The following CRYZL1 variants were observed in gnomAD, a reference collection of about 807,000 sequenced individuals.
The protein encoded by CRYZL1 is ferry endosomal RAB5 effector complex subunit 4.
In CRYZL1, 34 loss-of-function variants were observed where a neutral mutation model predicts 50.6. The observed-to-expected ratio is 0.67, with a 90% CI of 0.51 to 0.89. The LOEUF (loss-of-function observed/expected upper bound fraction) is 0.89. CRYZL1 is among the 40% of genes least tolerant of loss of function. CRYZL1 has a pLI of 0.00. For missense variants in CRYZL1, 354 were observed against 402.3 expected, an observed-to-expected ratio of 0.88 and a Z score of 1.03; for synonymous variants, 125 against 134.3, an observed-to-expected ratio of 0.93 and a Z score of 0.48.
intron 2 of CRYZL1, among the ~76,000 whole-genome samples, chr21:33,630,264 A>G (rs1311656709): frequency 6.6e-6 from 1 of 152,166 alleles, no homozygotes; most frequent in Admixed American, 6.6e-5. Context: ...TATGGACAAA[A>G]ATATGAATGT....
chr21:33,621,020 C>T (rs1201320021), intron 4 of CRYZL1, among the ~76,000 whole-genome samples: 1 of 140,856 alleles, frequency 7.1e-6, no homozygotes, highest in Non-Finnish European at 1.5e-5. Flanking sequence ...ATTCTCCTGC[C>T]TCAGCCTCCC....
rs965993753 is a variant in CRYZL1, at chr21:33,593,232, G to A, written c.905-2025C>T. Among the ~76,000 whole-genome samples the A allele has an allele frequency of 4.6e-5, 7 of 151,512 alleles. No homozygotes were observed. In the East Asian group the frequency reaches 9.9e-4, roughly 21 times the overall value. On this transcript the variant is annotated intron_variant, in intron 11 of 12. Transcript: ENST00000381554. ...TGCCATTCTCCTGCCTCAGCCTCCC[G>A]AGTAGCTGGGACTACAGGTGCCCGC...
Position 33,605,530 on chromosome 21 carries a change from C to CTTTTTTGTTTTTTTTTTTTTTTTTTTTTT in CRYZL1, c.332-1994_332-1993insAAAAAAAAAAAAAAAAAAAAAACAAAAAA, listed in dbSNP as rs2086802620. Among the ~76,000 whole-genome samples, 2 of 53,196 alleles carry CTTTTTTGTTTTTTTTTTTTTTTTTTTTTT rather than the reference C, an allele frequency of 3.8e-5. 1 individual carries two copies. The highest frequency in any genetic ancestry group is 6.4e-5 in the Non-Finnish European group (2 of 31,394). 34.9% of individuals were successfully genotyped at this position (53,196 alleles called of 152,430 possible). A position where few individuals can be genotyped will look rare whatever the true frequency, so the allele number is the denominator to read the frequency against. On this transcript the variant is annotated intron_variant, in intron 6 of 12. Transcript: ENST00000381554. The stretch of plus-strand genomic sequence containing the variant: ...GTAATTTTTCCGCAGTACAAGAATT[C>CTTTTTTGTTTTTTTTTTTTTTTTTTTTTT]TTTTTTTTTTGAGATGGAGTCTCAC...
At chr21:33,638,418 T>C (rs1160341027) in intron 1 of CRYZL1, among the ~76,000 whole-genome samples, 1 of 152,186 alleles carries the variant, frequency 6.6e-6, no homozygotes, top group Non-Finnish European at 1.5e-5. Context: ...TTTCACCATG[T>C]TGGCCAGGCT....
chr21:33,625,970 CT>C (rs953926032), intron 2 of CRYZL1, among the ~76,000 whole-genome samples: 1 of 150,606 alleles, frequency 6.6e-6, no homozygotes, highest in African/African-American at 2.4e-5. Flanking sequence ...CAGTGAAATT[CT>C]TTTTTCATTT....
At chr21:33,613,633 G>C (rs778931286) in intron 5 of CRYZL1, 27 bp from the exon 6 acceptor site, 1 of 1,531,278 alleles carries the variant, frequency 6.5e-7, no homozygotes, top group Non-Finnish European at 9.0e-7. Context: ...GAAATTAAAG[G>C]GATGTAAGTC....
chr21:33,637,400 G>A (rs1453400529), intron 1 of CRYZL1, among the ~76,000 whole-genome samples: 3 of 149,400 alleles, frequency 2.0e-5, no homozygotes, highest in African/African-American at 7.4e-5. Flanking sequence ...AGCCGAGATC[G>A]CGCCACTGCA....
intron 3 of CRYZL1, among the ~76,000 whole-genome samples, 168 bp downstream of exon 3, chr21:33,624,515 C>A (rs1373165982): frequency 2.0e-5 from 3 of 152,180 alleles, no homozygotes; most frequent in Non-Finnish European, 4.4e-5. Context: ...CACCACTGCA[C>A]TCCAGCCTGG....
chr21:33,621,013 C>A (rs1314152894), intron 4 of CRYZL1, among the ~76,000 whole-genome samples: 51 of 124,620 alleles, frequency 4.1e-4, no homozygotes, highest in Non-Finnish European at 8.0e-4. Context: ...TCACGCCATT[C>A]TCCTGCCTCA....
chr21:33,637,760 C>CAT (rs10536195), intron 1 of CRYZL1, among the ~76,000 whole-genome samples: 16,571 of 131,392 alleles, frequency 0.13, 985 homozygotes, highest in Non-Finnish European at 0.14. Context: ...AAGAGAAAAA[C>CAT]ATATATATAT....
At chr21:33,637,444 C>CA (rs544640250) in intron 1 of CRYZL1, among the ~76,000 whole-genome samples, 6,035 of 76,732 alleles carry the variant, frequency 0.079, 170 homozygotes, top group Middle Eastern at 0.11. Context: ...GACTCTGTCT[C>CA]AAAAAAAAAA....
At position 33,619,098 on chromosome 21, in the gene CRYZL1, T is replaced by C. The variant is rs139314398; in HGVS notation, c.218-2348A>G. ...CTCAGTAAGTATAAATCTAAACTCA[T>C]AATATTCCTCCAAATTGGATCATCT... On this transcript the variant is annotated intron_variant, in intron 4 of 12. Coordinates refer to ENST00000381554, the MANE Select transcript of CRYZL1 (RefSeq NM_145858.3). Among the ~76,000 whole-genome samples the C allele has an allele frequency of 6.5e-3, 986 of 152,320 alleles. 13 individuals are homozygous for C. Among genetic ancestry groups the C allele is most frequent in the Non-Finnish European group, 6.1e-3 (416 of 68,030 alleles).
intron 6 of CRYZL1, among the ~76,000 whole-genome samples, chr21:33,611,207 A>G (rs1426870014): frequency 2.0e-5 from 3 of 152,182 alleles, no homozygotes; most frequent in Non-Finnish European, 4.4e-5. Flanking sequence ...GGCAGTCCTC[A>G]AATTTCAAAC....
At position 33,620,751 on chromosome 21, in the gene CRYZL1, G is replaced by A. The variant is rs188620503; in HGVS notation, c.217+1245C>T. Among the ~76,000 whole-genome samples the A allele has an allele frequency of 9.2e-5, 14 of 152,092 alleles. No homozygotes were observed. The East Asian group carries it at 2.7e-3, about 29-fold the overall frequency. On this transcript the variant is annotated intron_variant, in intron 4 of 12. Coordinates refer to ENST00000381554, the MANE Select transcript of CRYZL1 (RefSeq NM_145858.3). ...TTGAATCTGGGAGGCAGAGGTTGCA[G>A]TGGAGCAGACATCACGCCACTGCAC... is the stretch of plus-strand genomic sequence containing the variant.
rs2086724788 is a variant in CRYZL1, at chr21:33,599,134, T to G, written c.676+16A>C. On this transcript the variant is annotated intron_variant, in intron 9 of 12. Coordinates refer to ENST00000381554, the MANE Select transcript of CRYZL1 (RefSeq NM_145858.3). ...TAAAAAAACTACACAGGCTACTAAT[T>G]TCATAAGGTACCTACCTCCAGCATC... The G allele has an allele frequency of 1.9e-6, 3 of 1,611,514 alleles. No homozygotes were observed. The South Asian group carries it at 3.3e-5, about 18-fold the overall frequency.
intron 7 of CRYZL1, 112 bp downstream of exon 7, chr21:33,603,292 C>A (rs1314072958): frequency 7.6e-7 from 1 of 1,317,318 alleles, no homozygotes; most frequent in East Asian, 2.3e-5. Flanking sequence ...GAAAAAAAGT[C>A]AATCAATAAG....
rs1337734535 is a variant in CRYZL1, at chr21:33,591,191, C to T, written c.921G>A (p.Val307=). The change falls in exon 12 of 13, where the codon GTG becomes GTA. Residue 307 remains valine (V), a synonymous_variant. Coordinates refer to ENST00000381554, the MANE Select transcript of CRYZL1 (RefSeq NM_145858.3). ...QGKYLCILKD[V]MEKLSTGVFR... ...AAACACCAGTTGATAACTTCTCCAT[C>T]ACATCCTTTAAGATACGTAGCTGGA... 1.2e-6 allele frequency: 2 copies of T among 1,610,406 alleles called. No individual in the cohort carries two copies. The highest frequency in any genetic ancestry group is 2.2e-5 in the South Asian group (2 of 91,002).
chr21:33,614,358 A>G (rs1461795468), intron 5 of CRYZL1, among the ~76,000 whole-genome samples: 2 of 151,744 alleles, frequency 1.3e-5, no homozygotes, highest in African/African-American at 4.8e-5. Context: ...ATATCATGGT[A>G]TGCACCTGTA....
intron 4 of CRYZL1, among the ~76,000 whole-genome samples, chr21:33,620,178 C>A (rs1302949947): frequency 6.6e-6 from 1 of 152,146 alleles, no homozygotes; most frequent in Non-Finnish European, 1.5e-5. Context: ...CAAATCTATT[C>A]TACGTTAAAA....
Sources: gnomAD v4.1 joint callset for allele counts (sites outside exome capture counted in the v4.1 genomes callset) on GRCh38, gnomAD v4.1.1 for gene constraint, MANE v1.5 for transcripts, NCBI Gene and HGNC (gene_info 2026-07-23, HGNC 2026-07-21) for gene names.